Variants in TMEM231 observed in about 807,000 individuals in gnomAD.
TMEM231 encodes the protein transmembrane protein 231.
Under a neutral mutation model 38.5 loss-of-function variants are expected in TMEM231, and 40 were observed. The observed-to-expected ratio is 1.04, with a 90% CI of 0.81 to 1.35. TMEM231 has a LOEUF of 1.35. Among genes scored for constraint, TMEM231 ranks in the 40% most tolerant of loss-of-function variants. TMEM231 has a pLI of 0.00. For missense variants in TMEM231, 420 were observed against 416.9 expected, an observed-to-expected ratio of 1.01 and a Z score of -0.07; for synonymous variants, 199 against 181.7, an observed-to-expected ratio of 1.10 and a Z score of -0.77.
rs1160648686 is a variant in TMEM231 at position 75,555,826 on chromosome 16, C to T, written c.287G>A (p.Arg96His). 4 of 1,560,768 alleles carry T rather than the reference C, an allele frequency of 2.6e-6. No individual in the cohort carries two copies. Among genetic ancestry groups the T allele is most frequent in the Non-Finnish European group, 3.5e-6 (4 of 1,152,836 alleles). ...CACCGAAACGAGCGGGACGCGCAGG[C>T]GATCCCCTTGCAGCCGGTTGAAGGC... ...FPAFNRLQGDRLRVPLVSTRE... is the reference protein window; with the variant it reads ...FPAFNRLQGDHLRVPLVSTRE... The change falls in exon 2 of 7, where the codon CGC becomes CAC. Residue 96 changes from arginine to histidine, a missense_variant. Transcript: ENST00000258173.
chr16:75,543,791 AC>A (rs1373543383), intron 4 of TMEM231, among the ~76,000 whole-genome samples: 1 of 152,236 alleles, frequency 6.6e-6, no homozygotes, highest in Non-Finnish European at 1.5e-5. Flanking sequence ...AGACATTCAA[AC>A]AAAAAGTGCC....
Position 75,537,403 on chromosome 16 carries a change from C to T in TMEM231, c.*2591G>A, listed in dbSNP as rs1381773065. 1.3e-5 allele frequency: 2 copies of T among 151,784 alleles called. No homozygotes were observed. The highest frequency in any genetic ancestry group is 2.4e-5 in the African/African-American group (1 of 41,350). 9.4% of individuals were successfully genotyped at this position (151,784 alleles called of 1,614,324 possible). A position where few individuals can be genotyped will look rare whatever the true frequency, so the allele number is the denominator to read the frequency against. ...CTAATCATTTGGCAAAATCAGGAGT[C>T]TTTCTGCCTCCAAATATTCAGTAAT... On this transcript the variant is annotated 3_prime_UTR_variant, in exon 7 of 7. Transcript: ENST00000258173.
chr16:75,547,152 A>G (rs552835393), intron 2 of TMEM231, among the ~76,000 whole-genome samples: 61 of 152,310 alleles, frequency 4.0e-4, no homozygotes, highest in African/African-American at 1.4e-3. Flanking sequence ...TTTTGCTACA[A>G]CTGATCCTTT....
chr16:75,550,423 G>A (rs1186217378), intron 2 of TMEM231, among the ~76,000 whole-genome samples: 2 of 152,152 alleles, frequency 1.3e-5, no homozygotes, highest in Non-Finnish European at 2.9e-5. Context: ...GGCTCATCAT[G>A]CCTCCTACTG....
At chr16:75,544,949 CTTTTTTTTTT>C in intron 4 of TMEM231, among the ~76,000 whole-genome samples, 1 of 89,598 alleles carries the variant, frequency 1.1e-5, no homozygotes, top group African/African-American at 3.8e-5. Context: ...TTTTCTTTTT[CTTTTTTTTTT>C]TTTTTTTTTT....
At chr16:75,542,581 T>C in intron 5 of TMEM231, 21 bp downstream of exon 5, 1 of 1,610,122 alleles carries the variant, frequency 6.2e-7, no homozygotes, top group African/African-American at 1.3e-5. Flanking sequence ...AGCGGCTGAA[T>C]GGGCTCTACC....
At chr16:75,544,711 T>C (rs2066841879) in intron 4 of TMEM231, among the ~76,000 whole-genome samples, 1 of 152,222 alleles carries the variant, frequency 6.6e-6, no homozygotes, top group African/African-American at 2.4e-5. Context: ...GAGTACATCC[T>C]GCGTGTGACC....
At chr16:75,555,630 G>C in intron 2 of TMEM231, 174 bp downstream of exon 2, 1 of 594,476 alleles carries the variant, frequency 1.7e-6, no homozygotes. Flanking sequence ...GAATGAAACA[G>C]AAGATCGATT....
rs981810111 is a variant in TMEM231 at position 75,537,774 on chromosome 16, C to G, written c.*2220G>C. On this transcript the variant is annotated 3_prime_UTR_variant, in exon 7 of 7. Coordinates refer to ENST00000258173, the MANE Select transcript of TMEM231 (RefSeq NM_001077418.3). ...TGCTGGGATTACAGGCGTGAGCCAC[C>G]GCTCCCGGCCTCTTGCTTTTTATTT... 1 of 152,192 alleles carries G rather than the reference C, an allele frequency of 6.6e-6. No homozygotes were observed. The highest frequency in any genetic ancestry group is 6.5e-5 in the Admixed American group (1 of 15,274). 9.4% of individuals were successfully genotyped at this position (152,192 alleles called of 1,614,324 possible).
At position 75,537,917 on chromosome 16, in the gene TMEM231, GT is replaced by G. The variant is rs781259130; in HGVS notation, c.*2076del. On this transcript the variant is annotated 3_prime_UTR_variant, in exon 7 of 7. Transcript: ENST00000258173. ...CCAACACGTAGATTTCACATGGCAT[GT>G]GAATCCCACTGAAAACTCATCTACC... The G allele has an allele frequency of 5.3e-5, 8 of 152,174 alleles. No individual in the cohort carries two copies. The highest frequency in any genetic ancestry group is 8.8e-5 in the Non-Finnish European group (6 of 68,040). The allele number at this position is 152,174 out of a possible 1,614,324, so 9.4% of individuals were successfully genotyped here.
At position 75,540,163 on chromosome 16, in the gene TMEM231, C is replaced by A. The variant is rs753001243; in HGVS notation, c.782G>T (p.Gly261Val). The change falls in exon 7 of 7, where the codon GGA becomes GTA. Residue 261 changes from glycine to valine, a missense_variant. Gly to Val is a moderately radical substitution (Grantham distance 109). Transcript: ENST00000258173. ...GGCGAACTTTACCATCTCCCAGAAT[C>A]CTGGCTGATAAGTATGGACAGTTAA... is the stretch of plus-strand genomic sequence containing the variant. ...YPVEVISYQP[G>V]FWEMVKFAWV... The A allele has an allele frequency of 1.2e-6, 2 of 1,612,828 alleles. No individual in the cohort carries two copies. The highest frequency in any genetic ancestry group is 1.3e-5 in the African/African-American group (1 of 75,046).
Position 75,540,140 on chromosome 16 carries a change from C to A in TMEM231, c.805G>T (p.Ala269Ser). Residue 269 changes from alanine (A) to serine (S), a missense_variant, in exon 7 of 7, where the codon GCC (alanine) becomes TCC (serine). By Grantham distance (99) the Ala-to-Ser change is moderately conservative (BLOSUM62 1). Coordinates refer to ENST00000258173, the MANE Select transcript of TMEM231 (RefSeq NM_001077418.3). ...AGGATGCTGACATACTGCACCCAGG[C>A]GAACTTTACCATCTCCCAGAATCCT... ...QPGFWEMVKF[A>S]WVQYVSILLI... is the part of the protein sequence containing the mutation. 6.2e-7 allele frequency: 1 copy of A among 1,613,514 alleles called. No homozygotes were observed. The highest frequency in any genetic ancestry group is 8.5e-7 in the Non-Finnish European group (1 of 1,179,692).
chr16:75,546,099 A>G, intron 2 of TMEM231, 145 bp from the exon 3 acceptor site: 1 of 1,542,674 alleles, frequency 6.5e-7, no homozygotes, highest in Non-Finnish European at 8.8e-7. Flanking sequence ...AAGCAGATAG[A>G]TGTAAGTGCA....
chr16:75,536,756 G>A lies in TMEM231; in HGVS notation c.*3238C>T, dbSNP rs544807180. On this transcript the variant is annotated 3_prime_UTR_variant, in exon 7 of 7. Transcript: ENST00000258173. Reference sequence around the variant, plus strand: ...CCAGCAACAATGATTTCTACACAAGGTTTATAAAAGTGTTGTTTGTGATAC... The same window carrying A: ...CCAGCAACAATGATTTCTACACAAGATTTATAAAAGTGTTGTTTGTGATAC... 1 of 152,258 alleles carries A rather than the reference G, an allele frequency of 6.6e-6. No individual in the cohort carries two copies. The highest frequency in any genetic ancestry group is 1.9e-4 in the East Asian group (1 of 5,192). 9.4% of individuals were successfully genotyped at this position (152,258 alleles called of 1,614,324 possible). A position where few individuals can be genotyped will look rare whatever the true frequency, so the allele number is the denominator to read the frequency against.
intron 4 of TMEM231, 100 bp downstream of exon 4, chr16:75,545,252 G>A (rs1346885898): frequency 6.7e-6 from 10 of 1,494,264 alleles, no homozygotes; most frequent in African/African-American, 4.2e-5. Context: ...GAGCCACTGC[G>A]CCTGGCCTGA....
intron 6 of TMEM231, 33 bp downstream of exon 6, chr16:75,541,317 G>T (rs751248751): frequency 2.0e-6 from 3 of 1,525,914 alleles, no homozygotes; most frequent in Non-Finnish European, 2.7e-6. Context: ...ACCACATCCA[G>T]CCTTAACATG....
Position 75,545,388 on chromosome 16 carries a change from C to T in TMEM231, c.546G>A (p.Gln182=), listed in dbSNP as rs772996580. ...CATCTAGGCCACCACAGCTCAGCGG[C>T]TGCTTCTGCTGCAGCCTCAGGTCTC... ...VNGDLRLQQK[Q]PLSCGGLDAR... The change falls in exon 4 of 7, where the codon CAG becomes CAA. Residue 182 remains glutamine (Q), a synonymous_variant. Transcript: ENST00000258173. The T allele has an allele frequency of 6.2e-7, 1 of 1,612,474 alleles. No individual in the cohort carries two copies. The highest frequency in any genetic ancestry group is 8.5e-7 in the Non-Finnish European group (1 of 1,179,306).
At chr16:75,549,008 G>C (rs1169480327) in intron 2 of TMEM231, among the ~76,000 whole-genome samples, 4 of 152,166 alleles carry the variant, frequency 2.6e-5, no homozygotes, top group Non-Finnish European at 5.9e-5. Flanking sequence ...GGCTAATCAG[G>C]TACATGTGCT....
chr16:75,547,111 TGACA>T (rs1170900448), intron 2 of TMEM231, among the ~76,000 whole-genome samples: 2 of 152,216 alleles, frequency 1.3e-5, no homozygotes, highest in East Asian at 3.9e-4. Context: ...TGATCACTGC[TGACA>T]TGGTCCCTCT....
Sources: gnomAD v4.1 joint callset for allele counts (sites outside exome capture counted in the v4.1 genomes callset) on GRCh38, gnomAD v4.1.1 for gene constraint, MANE v1.5 for transcripts, NCBI Gene and HGNC (gene_info 2026-07-23, HGNC 2026-07-21) for gene names.